Variants in TRIM5 observed in about 807,000 individuals in gnomAD.
The protein encoded by TRIM5 is tripartite motif-containing protein 5.
In TRIM5, 31 loss-of-function variants were observed where a neutral mutation model predicts 35.6. That is an observed-to-expected ratio of 0.87 (90% CI 0.65 to 1.18). The LOEUF (loss-of-function observed/expected upper bound fraction) is 1.18, where lower values mean the gene tolerates loss of function less well. TRIM5 is among the 50% of genes most tolerant of loss of function. The probability of loss-of-function intolerance (pLI) is 0.00; values close to 1 mark genes in which losing one functional copy is unlikely to be tolerated. For missense variants in TRIM5, 609 were observed against 591.6 expected (o/e 1.03, Z -0.31); for synonymous variants, 243 against 215.6 (o/e 1.13, Z -1.11).
intron 4 of TRIM5, among the ~76,000 whole-genome samples, chr11:5,676,403 C>T (rs865907625): frequency 0.046 from 6,938 of 151,740 alleles, 405 homozygotes; most frequent in African/African-American, 0.14. Flanking sequence ...TTACAAGGGA[C>T]GTGAAGGACT....
chr11:5,611,337 T>A, the TRIM5 span: 1 of 1,610,986 alleles, frequency 6.2e-7, no homozygotes, highest in Non-Finnish European at 8.5e-7. Flanking sequence ...TCGTCCAAGC[T>A]CTTGAATATT....
At chr11:5,634,751 G>C in the TRIM5 span, 3 of 1,614,122 alleles carry the variant, frequency 1.9e-6, 1 homozygote, top group Non-Finnish European at 8.5e-7. Flanking sequence ...GAAGACGCTG[G>C]ATAAGTTTGC....
At chr11:5,659,656 A>C (rs943816107), downstream of TRIM5, among the ~76,000 whole-genome samples, 1 of 152,162 alleles carries the variant, frequency 6.6e-6, no homozygotes, top group African/African-American at 2.4e-5. Context: ...CTGAGTGCCT[A>C]GATGGTACAG....
At chr11:5,590,331 A>G in the TRIM5 span, 3,929 of 154,568 alleles carry the variant, frequency 0.025, 180 homozygotes, top group African/African-American at 0.09. Context: ...AGGTGAAGCC[A>G]GCTGGGCTCC....
chr11:5,596,977 G>A, the TRIM5 span: 4 of 1,613,262 alleles, frequency 2.5e-6, no homozygotes, highest in South Asian at 4.4e-5. Context: ...ACAGGGCAGT[G>A]AAAGAGATAA....
chr11:5,605,514 C>T, the TRIM5 span: 1 of 1,614,124 alleles, frequency 6.2e-7, no homozygotes, highest in Non-Finnish European at 8.5e-7. Context: ...GCTGCGAGAG[C>T]TCATCTCGGA....
In TRIM5 at chr11:5,679,966, C is replaced by T. The variant is rs367852068; in HGVS notation, c.212G>A (p.Arg71Gln). 1.2e-5 allele frequency: 20 copies of T among 1,613,868 alleles called. No individual in the cohort carries two copies. The highest frequency in any genetic ancestry group is 1.6e-4 in the Middle Eastern group (1 of 6,084). ...SYQPENIRPN[R>Q]HVANIVEKLR... is the part of the protein sequence containing the mutation. ...CTTCTCCACTATGTTGGCTACATGC[C>T]GATTAGGCCGTATGTTCTCAGGCTG... The change falls in exon 2 of 8, where the codon CGG becomes CAG. Residue 71 changes from arginine (R) to glutamine (Q), a missense_variant. By Grantham distance (43) the Arg-to-Gln change is conservative (BLOSUM62 1). Transcript: ENST00000380034.
chr11:5,660,179 A>G (rs1032256516), downstream of TRIM5, among the ~76,000 whole-genome samples: 1 of 152,028 alleles, frequency 6.6e-6, no homozygotes, highest in Non-Finnish European at 1.5e-5. Flanking sequence ...GTTTCACCAT[A>G]TTGGCCTAGC....
chr11:5,616,813 C>T, the TRIM5 span, among the ~76,000 whole-genome samples: 2 of 141,508 alleles, frequency 1.4e-5, 1 homozygote, highest in African/African-American at 5.2e-5. Context: ...GATCTCGGCT[C>T]ACTGCAACCT....
At chr11:5,600,724 T>G in the TRIM5 span, among the ~76,000 whole-genome samples, 6 of 152,322 alleles carry the variant, frequency 3.9e-5, no homozygotes, top group East Asian at 1.2e-3. Context: ...CATTTACTTT[T>G]GCTGGGAAAC....
intron 4 of TRIM5, among the ~76,000 whole-genome samples, chr11:5,672,722 A>G (rs963209533): frequency 1.3e-5 from 2 of 152,242 alleles, no homozygotes; most frequent in Non-Finnish European, 2.9e-5. Context: ...AAGTAATTCA[A>G]TACTATATTA....
At chr11:5,682,217 A>C (rs4564369) in intron 1 of TRIM5, among the ~76,000 whole-genome samples, 80,781 of 151,996 alleles carry the variant, frequency 0.53, 21,485 homozygotes, top group African/African-American at 0.53. Context: ...CAGCCTGGCC[A>C]ACATGGTGAA....
At chr11:5,653,492 T>C in the TRIM5 span, among the ~76,000 whole-genome samples, 1 of 150,212 alleles carries the variant, frequency 6.7e-6, no homozygotes, top group Non-Finnish European at 1.5e-5. Context: ...TTTTTGTTTT[T>C]TTTGTTTTTT....
chr11:5,604,497 G>A, the TRIM5 span: 1 of 1,592,752 alleles, frequency 6.3e-7, no homozygotes, highest in African/African-American at 1.4e-5. Context: ...GTCAACTGAA[G>A]GCTTGATCCT....
At chr11:5,655,023 T>TGTTA in the TRIM5 span, among the ~76,000 whole-genome samples, 2 of 151,924 alleles carry the variant, frequency 1.3e-5, no homozygotes, top group Non-Finnish European at 2.9e-5. Flanking sequence ...AAACCTGGTC[T>TGTTA]CAACTAAAAA....
chr11:5,680,412 T>C lies in TRIM5; in HGVS notation c.-61-174A>G, dbSNP rs534399455. Among the ~76,000 whole-genome samples the C allele has an allele frequency of 2.0e-5, 3 of 152,250 alleles. No individual in the cohort carries two copies. The East Asian group carries it at 5.8e-4, about 29-fold the overall frequency. ...TAATAAGGGCTTTTCATAATCACCTTAAATACTTTACTGCCAGTTCATGTC... is the reference window on the plus strand; with the variant it reads ...TAATAAGGGCTTTTCATAATCACCTCAAATACTTTACTGCCAGTTCATGTC... On this transcript the variant is annotated intron_variant, in intron 1 of 7. Transcript: ENST00000380034.
At chr11:5,607,270 G>A in the TRIM5 span, among the ~76,000 whole-genome samples, 1 of 152,100 alleles carries the variant, frequency 6.6e-6, no homozygotes, top group Non-Finnish European at 1.5e-5. Flanking sequence ...CAACATAAGA[G>A]AAGTAGCCAC....
chr11:5,634,530 CATATATAT>C, the TRIM5 span: 89 of 261,996 alleles, frequency 3.4e-4, 3 homozygotes, highest in African/African-American at 2.4e-3. Context: ...CACACACACA[CATATATAT>C]ATATATATAT....
At chr11:5,665,953 A>G in intron 6 of TRIM5, 28 bp downstream of exon 6, 1 of 1,588,644 alleles carries the variant, frequency 6.3e-7, no homozygotes, top group Non-Finnish European at 8.6e-7. Context: ...GAATTCCATA[A>G]CCCTGTTGTT....
Sources: gnomAD v4.1 joint callset for allele counts (sites outside exome capture counted in the v4.1 genomes callset) on GRCh38, gnomAD v4.1.1 for gene constraint, MANE v1.5 for transcripts, NCBI Gene and HGNC (gene_info 2026-07-23, HGNC 2026-07-21) for gene names.